Variants in NKAIN2 observed in about 807,000 individuals in gnomAD.
NKAIN2 encodes the protein sodium/potassium transporting ATPase interacting 2.
Under a neutral mutation model 32.6 loss-of-function variants are expected in NKAIN2, and 14 were observed. The ratio of observed to expected loss-of-function variants is 0.43; its 90% CI spans 0.28 to 0.67. The LOEUF (loss-of-function observed/expected upper bound fraction) is 0.67, where lower values mean the gene tolerates loss of function less well. Among genes scored for constraint, NKAIN2 ranks in the 30% least tolerant of loss-of-function variants. NKAIN2 has a pLI of 0.17. For synonymous variants in NKAIN2, 80 were observed against 87.2 expected (o/e 0.92, Z 0.46); for missense variants, 198 against 258.3 (o/e 0.77, Z 1.60).
chr6:124,275,863 G>A (rs1332767943), intron 1 of NKAIN2, among the ~76,000 whole-genome samples: 2 of 151,946 alleles, frequency 1.3e-5, no homozygotes, highest in Non-Finnish European at 2.9e-5. Context: ...TGCAATCCAG[G>A]CATCTTAATA....
chr6:124,670,923 T>C (rs1773068808), intron 4 of NKAIN2, among the ~76,000 whole-genome samples: 1 of 152,090 alleles, frequency 6.6e-6, no homozygotes, highest in South Asian at 2.1e-4. Context: ...CTTTTCACGC[T>C]AGGTTTGGCA....
At chr6:124,016,267 C>G (rs1237430067) in intron 1 of NKAIN2, among the ~76,000 whole-genome samples, 2 of 152,012 alleles carry the variant, frequency 1.3e-5, no homozygotes, top group Non-Finnish European at 2.9e-5. Flanking sequence ...AGAAACCTCT[C>G]GAAGAAATTT....
intron 2 of NKAIN2, among the ~76,000 whole-genome samples, chr6:124,332,849 T>C (rs1015449418): frequency 2.6e-5 from 4 of 152,036 alleles, no homozygotes; most frequent in African/African-American, 9.7e-5. Flanking sequence ...CAGAAAAAAA[T>C]AACAATAAAA....
chr6:124,642,921 A>G lies in NKAIN2; in HGVS notation c.274-15265A>G, dbSNP rs539571028. Among the ~76,000 whole-genome samples the G allele has an allele frequency of 2.0e-5, 3 of 152,240 alleles. No individual in the cohort carries two copies. In the East Asian group the frequency reaches 5.8e-4, roughly 29 times the overall value. Reference sequence around the variant, plus strand: ...AATATTAAAAGCACTGCTCCTGGTCATAGTTTCTGCTTCTCTGTATCCTTG... The same window carrying G: ...AATATTAAAAGCACTGCTCCTGGTCGTAGTTTCTGCTTCTCTGTATCCTTG... On this transcript the variant is annotated intron_variant, in intron 3 of 6. Transcript: ENST00000368417.
In NKAIN2 at chr6:124,678,942, CA is replaced by C. The variant is rs541221445; in HGVS notation, c.474+20557del. Among the ~76,000 whole-genome samples, 28 of 152,264 alleles carry C rather than the reference CA, an allele frequency of 1.8e-4. No individual in the cohort carries two copies. In the South Asian group the frequency reaches 5.4e-3, roughly 29 times the overall value. On this transcript the variant is annotated intron_variant, in intron 4 of 6. Coordinates refer to ENST00000368417, the MANE Select transcript of NKAIN2 (RefSeq NM_001040214.3). The stretch of plus-strand genomic sequence containing the variant: ...GGACTAGTGTGTGTAAATTTCAAAT[CA>C]GAGCGATTTACTAGTTTCATTTTTT...
chr6:124,818,067 A>G (rs1369200788), intron 5 of NKAIN2, among the ~76,000 whole-genome samples: 2 of 152,206 alleles, frequency 1.3e-5, no homozygotes, highest in African/African-American at 4.8e-5. Context: ...GGCATATAGC[A>G]TCTCTATTGT....
chr6:124,121,941 C>T (rs1486069150), intron 1 of NKAIN2: 19 of 1,195,914 alleles, frequency 1.6e-5, no homozygotes, highest in Admixed American at 1.4e-4. Flanking sequence ...ATATCTTAAC[C>T]GTGAGTTTTT....
intron 1 of NKAIN2, among the ~76,000 whole-genome samples, chr6:124,087,226 C>T (rs1461479609): frequency 1.3e-5 from 2 of 151,892 alleles, no homozygotes; most frequent in Non-Finnish European, 1.5e-5. Context: ...ATCTAACACA[C>T]ATCCATAATA....
At chr6:123,924,383 G>C (rs2114501155) in intron 1 of NKAIN2, among the ~76,000 whole-genome samples, 1 of 152,278 alleles carries the variant, frequency 6.6e-6, no homozygotes, top group South Asian at 2.1e-4. Flanking sequence ...TTCACGATTT[G>C]TGTGACTTTA....
At chr6:124,204,868 A>G (rs186836858) in intron 1 of NKAIN2, among the ~76,000 whole-genome samples, 29 of 151,824 alleles carry the variant, frequency 1.9e-4, no homozygotes, top group African/African-American at 6.7e-4. Context: ...GCATATTACT[A>G]TAATACAGTC....
chr6:124,587,182 C>A (rs1781740218), intron 3 of NKAIN2, among the ~76,000 whole-genome samples: 2 of 152,040 alleles, frequency 1.3e-5, no homozygotes, highest in South Asian at 4.1e-4. Flanking sequence ...TTAAAAAGAA[C>A]CAAAACTTTT....
intron 1 of NKAIN2, among the ~76,000 whole-genome samples, chr6:124,256,851 C>T (rs1443889331): frequency 6.8e-6 from 1 of 147,714 alleles, no homozygotes; most frequent in African/African-American, 2.5e-5. Context: ...GTCCTTCCTC[C>T]TGGGGTAAAC....
At chr6:124,511,761 A>G (rs912241547) in intron 3 of NKAIN2, among the ~76,000 whole-genome samples, 1 of 152,258 alleles carries the variant, frequency 6.6e-6, no homozygotes, top group African/African-American at 2.4e-5. Flanking sequence ...CTAAGGGCTC[A>G]TCTATCCTTG....
At chr6:124,360,127 T>G (rs925757028) in intron 3 of NKAIN2, among the ~76,000 whole-genome samples, 2 of 152,206 alleles carry the variant, frequency 1.3e-5, no homozygotes, top group Admixed American at 1.3e-4. Context: ...TGAAGCCCAC[T>G]TGATCATGGT....
chr6:124,431,818 C>T (rs1372665665), intron 3 of NKAIN2, among the ~76,000 whole-genome samples: 1 of 152,086 alleles, frequency 6.6e-6, no homozygotes, highest in Non-Finnish European at 1.5e-5. Context: ...GTACATAACA[C>T]ATAGGAAACT....
At chr6:124,228,359 G>A (rs576624423) in intron 1 of NKAIN2, among the ~76,000 whole-genome samples, 10 of 152,206 alleles carry the variant, frequency 6.6e-5, no homozygotes, top group Admixed American at 4.6e-4. Flanking sequence ...CAAGGAAAAG[G>A]CCCTCACCAG....
chr6:124,603,684 G>A (rs1331005498), intron 3 of NKAIN2, among the ~76,000 whole-genome samples: 1 of 151,834 alleles, frequency 6.6e-6, no homozygotes, highest in Non-Finnish European at 1.5e-5. Flanking sequence ...ATGTAAATAG[G>A]GTGACCATAT....
At chr6:124,052,364 G>A (rs1225901376) in intron 1 of NKAIN2, among the ~76,000 whole-genome samples, 1 of 152,066 alleles carries the variant, frequency 6.6e-6, no homozygotes. Flanking sequence ...ATGTGGGTGT[G>A]TGGAACTCTG....
intron 3 of NKAIN2, among the ~76,000 whole-genome samples, chr6:124,638,887 CAAAAA>C (rs35802663): frequency 3.6e-5 from 3 of 82,624 alleles, no homozygotes; most frequent in East Asian, 3.9e-4. Context: ...GAGACTCTGT[CAAAAA>C]AAAAAAAAAA....
Sources: allele counts gnomAD v4.1 joint callset (sites outside exome capture counted in the v4.1 genomes callset), GRCh38; gene constraint gnomAD v4.1.1; transcripts MANE v1.5; gene names NCBI Gene and HGNC (gene_info 2026-07-23, HGNC 2026-07-21).